SOX30: variants seen among roughly 807,000 people sequenced by gnomAD.
The protein encoded by SOX30 is SRY-box transcription factor 30.
In SOX30, 17 loss-of-function variants were observed where a neutral mutation model predicts 58.6. The observed-to-expected ratio is 0.29, with a 90% CI of 0.20 to 0.44. The LOEUF (loss-of-function observed/expected upper bound fraction) is 0.44, where lower values mean the gene tolerates loss of function less well. Ranked by LOEUF, SOX30 falls within the 20% of genes least tolerant of loss-of-function variation. The probability of loss-of-function intolerance (pLI) is 1.00; values close to 1 mark genes in which losing one functional copy is unlikely to be tolerated. For missense variants in SOX30, 951 were observed against 965.8 expected, an observed-to-expected ratio of 0.98 and a Z score of 0.20; for synonymous variants, 421 against 400.2, an observed-to-expected ratio of 1.05 and a Z score of -0.62.
At chr5:157,632,959 T>C (rs895665242) in intron 4 of SOX30, among the ~76,000 whole-genome samples, 3 of 151,552 alleles carry the variant, frequency 2.0e-5, no homozygotes, top group Non-Finnish European at 4.4e-5. Context: ...CATGGTAGCA[T>C]GTACCTGTAA....
intron 4 of SOX30, among the ~76,000 whole-genome samples, chr5:157,635,480 C>T (rs1294160565): frequency 2.0e-5 from 3 of 151,966 alleles, no homozygotes; most frequent in South Asian, 2.1e-4. Flanking sequence ...AAAAATTAGC[C>T]GGGTGTGGTG....
At chr5:157,656,009 G>A (rs1263055980), upstream of SOX30, among the ~76,000 whole-genome samples, 1 of 152,182 alleles carries the variant, frequency 6.6e-6, no homozygotes, top group Non-Finnish European at 1.5e-5. Context: ...GAAAAAAACT[G>A]GATGAGGTTT....
rs1197863543 is a variant in SOX30, at chr5:157,652,088, G to A, written c.-10C>T. On this transcript the variant is annotated 5_prime_UTR_variant, in exon 1 of 5. Coordinates refer to ENST00000265007, the MANE Select transcript of SOX30 (RefSeq NM_178424.2). The stretch of plus-strand genomic sequence containing the variant: ...GTCTGGCTCTCTCCATGGGGGAGGG[G>A]GACGCCCCGGCCAGGATTGTGAGCT... The A allele has an allele frequency of 1.4e-6, 2 of 1,398,314 alleles. No individual in the cohort carries two copies. The highest frequency in any genetic ancestry group is 5.6e-5 in the East Asian group (2 of 35,532). The allele number at this position is 1,398,314 out of a possible 1,614,324, so 86.6% of individuals were successfully genotyped here.
intron 2 of SOX30, among the ~76,000 whole-genome samples, chr5:157,661,474 C>T (rs574023003): frequency 9.2e-5 from 14 of 152,294 alleles, no homozygotes; most frequent in Admixed American, 4.6e-4. Flanking sequence ...GCCATATGAG[C>T]TCTGTTGCAA....
At chr5:157,654,897 CA>C (rs1759442100), upstream of SOX30, among the ~76,000 whole-genome samples, 1 of 152,218 alleles carries the variant, frequency 6.6e-6, no homozygotes, top group Non-Finnish European at 1.5e-5. Context: ...AGCTTATCAT[CA>C]AGAAATAACC....
At chr5:157,644,808 C>T (rs1436454656) in intron 3 of SOX30, among the ~76,000 whole-genome samples, 2 of 152,002 alleles carry the variant, frequency 1.3e-5, no homozygotes, top group Admixed American at 6.6e-5. Context: ...TGGTGAAACC[C>T]CATCTCTACT....
chr5:157,646,771 A>T lies in SOX30; in HGVS notation c.1253T>A (p.Leu418Gln), dbSNP rs142696275. Residue 418 changes from leucine (L) to glutamine (Q), a missense_variant, in exon 3 of 5, where the codon CTA (leucine) becomes CAA (glutamine). By Grantham distance (113) the Leu-to-Gln change is moderately radical. Coordinates refer to ENST00000265007, the MANE Select transcript of SOX30 (RefSeq NM_178424.2). The part of the protein sequence containing the change: ...PRPGKRKRFP[L>Q]SVSNVFSGTT... Reference sequence around the variant, plus strand: ...ACCAGAAAATACATTGGAAACACTTAGAGGGAATCGTTTTCGCTTCCCTGG... The same window carrying T: ...ACCAGAAAATACATTGGAAACACTTTGAGGGAATCGTTTTCGCTTCCCTGG... 1 of 1,614,116 alleles carries T rather than the reference A, an allele frequency of 6.2e-7. No individual in the cohort carries two copies. The highest frequency in any genetic ancestry group is 8.5e-7 in the Non-Finnish European group (1 of 1,179,966).
rs1561591729 is a variant in SOX30 at position 157,666,522 on chromosome 5, CACACA to C, written c.52+1271_52+1275del. Among the ~76,000 whole-genome samples the C allele has an allele frequency of 6.5e-4, 93 of 144,058 alleles. 2 individuals carry two copies. Among genetic ancestry groups the C allele is most frequent in the African/African-American group, 2.2e-3 (80 of 35,870 alleles). 94.5% of individuals were successfully genotyped at this position (144,058 alleles called of 152,430 possible). A position where few individuals can be genotyped will look rare whatever the true frequency, so the allele number is the denominator to read the frequency against. On this transcript the variant is annotated intron_variant, in intron 2 of 5. Transcript: ENST00000519442. ...ACACACACACACACACACACACACA[CACACA>C]CCTCAGTTCAAATGAAATCTCAGCT...
intron 2 of SOX30, among the ~76,000 whole-genome samples, chr5:157,659,812 C>T (rs1759545179): frequency 6.6e-6 from 1 of 152,180 alleles, no homozygotes; most frequent in Non-Finnish European, 1.5e-5. Context: ...GCTTCCAGAT[C>T]ACAGGTGGAT....
At position 157,651,589 on chromosome 5, in the gene SOX30, T is replaced by A. The variant is rs1360398342; in HGVS notation, c.490A>T (p.Arg164Trp). 6.2e-6 allele frequency: 10 copies of A among 1,613,008 alleles called. No homozygotes were observed. Among genetic ancestry groups the A allele is most frequent in the Non-Finnish European group, 8.5e-7 (1 of 1,179,960 alleles). The change falls in exon 1 of 5, where the codon AGG becomes TGG. Residue 164 changes from arginine (R) to tryptophan (W), a missense_variant. Arg to Trp is a moderately radical substitution (Grantham distance 101). Transcript: ENST00000265007. ...CCGGGGCCTTCCAACTTGACCACCCTGGAGGCTCTAGGACCGGTTTCGACG... is the reference window on the plus strand; with the variant it reads ...CCGGGGCCTTCCAACTTGACCACCCAGGAGGCTCTAGGACCGGTTTCGACG... ...GAVETGPRAS[R>W]VVKLEGPGPA...
At chr5:157,663,150 A>G (rs1380801497) in intron 2 of SOX30, among the ~76,000 whole-genome samples, 1 of 152,216 alleles carries the variant, frequency 6.6e-6, no homozygotes, top group Non-Finnish European at 1.5e-5. Flanking sequence ...ACACAACAAA[A>G]AAAGAGAATT....
At chr5:157,655,989 G>A (rs1191945341), upstream of SOX30, among the ~76,000 whole-genome samples, 1 of 152,160 alleles carries the variant, frequency 6.6e-6, no homozygotes, top group African/African-American at 2.4e-5. Context: ...AAACTTTGCT[G>A]CAGGTCCGTG....
At chr5:157,651,038 G>A in intron 1 of SOX30, 74 bp downstream of exon 1, 1 of 1,133,492 alleles carries the variant, frequency 8.8e-7, no homozygotes, top group Non-Finnish European at 1.3e-6. Flanking sequence ...GTTTAGACTT[G>A]GGAACTGCTG....
intron 3 of SOX30, among the ~76,000 whole-genome samples, chr5:157,643,905 T>C (rs903952303): frequency 6.6e-6 from 1 of 152,154 alleles, no homozygotes; most frequent in African/African-American, 2.4e-5. Context: ...TGTTCTAACT[T>C]AAGCTTCACA....
intron 3 of SOX30, among the ~76,000 whole-genome samples, chr5:157,644,062 A>C (rs904515955): frequency 2.6e-5 from 4 of 152,212 alleles, no homozygotes; most frequent in African/African-American, 4.8e-5. Context: ...ATAGCAGATA[A>C]ATTTCATGAT....
intron 3 of SOX30, among the ~76,000 whole-genome samples, chr5:157,640,851 C>T (rs967702376): frequency 6.6e-6 from 1 of 152,130 alleles, no homozygotes; most frequent in African/African-American, 2.4e-5. Flanking sequence ...CACTCCACCT[C>T]GCATATGTAA....
chr5:157,662,747 C>T (rs183053483), intron 2 of SOX30, among the ~76,000 whole-genome samples: 7 of 152,322 alleles, frequency 4.6e-5, no homozygotes, highest in Admixed American at 4.6e-4. Flanking sequence ...CCAACACAAA[C>T]CTTATATCTG....
At chr5:157,627,765 T>C (rs955052542) in intron 4 of SOX30, among the ~76,000 whole-genome samples, 6 of 152,058 alleles carry the variant, frequency 3.9e-5, no homozygotes, top group Admixed American at 2.0e-4. Flanking sequence ...GAGGCCGAGG[T>C]GGGCGGATCA....
chr5:157,632,367 T>C (rs991972199), intron 4 of SOX30, among the ~76,000 whole-genome samples: 2 of 152,234 alleles, frequency 1.3e-5, no homozygotes, highest in East Asian at 1.9e-4. Flanking sequence ...CGTAGCTCTC[T>C]TTTCTCTGGT....
Sources: gnomAD v4.1 joint callset for allele counts (sites outside exome capture counted in the v4.1 genomes callset) on GRCh38, gnomAD v4.1.1 for gene constraint, MANE v1.5 for transcripts, NCBI Gene and HGNC (gene_info 2026-07-23, HGNC 2026-07-21) for gene names.